UBQLN4: variants seen among roughly 807,000 people sequenced by gnomAD.
UBQLN4 encodes the protein ubiquilin-4.
UBQLN4 carries 11 observed loss-of-function variants against 60.4 expected under a neutral mutation model. The ratio of observed to expected loss-of-function variants is 0.18; its 90% CI spans 0.11 to 0.30. The LOEUF is 0.30. Ranked by LOEUF, UBQLN4 falls within the 10% of genes least tolerant of loss-of-function variation. The pLI is 1.00. For synonymous variants in UBQLN4, 258 were observed against 313.1 expected (o/e 0.82, Z 1.86); for missense variants, 417 against 795.5 (o/e 0.52, Z 5.72).
chr1:156,050,195 C>G lies in UBQLN4; in HGVS notation c.741+96G>C, dbSNP rs868317992. On this transcript the variant is annotated intron_variant, in intron 4 of 10. Coordinates refer to ENST00000368309, the MANE Select transcript of UBQLN4 (RefSeq NM_020131.5). This position sits in a 1 kb window ranked among gnomAD's most constrained non-coding sequence, Gnocchi z 4.6. ...CCAGTGTTCAAAACTGCTGAATACA[C>G]GAATGAACAAATCAATGTAGGACAA... The G allele has an allele frequency of 6.9e-7, 1 of 1,458,262 alleles. No individual in the cohort carries two copies. The highest frequency in any genetic ancestry group is 2.5e-5 in the Admixed American group (1 of 40,726). 90.3% of individuals were successfully genotyped at this position (1,458,262 alleles called of 1,614,324 possible).
rs562188379 is a variant in UBQLN4 at position 156,051,102 on chromosome 1, G to T, written c.478+8C>A. On this transcript the variant is annotated splice_region_variant and intron_variant, in intron 3 of 10. Coordinates refer to ENST00000368309, the MANE Select transcript of UBQLN4 (RefSeq NM_020131.5). ...AACAAGATTGTGCTCTCCTCTCTGA[G>T]GGCTTACAGAGTATGGACGCAGTAG... 9.9e-6 allele frequency: 16 copies of T among 1,612,464 alleles called. No homozygotes were observed. Among genetic ancestry groups the T allele is most frequent in the African/African-American group, 9.3e-5 (7 of 75,002 alleles).
chr1:156,041,092 C>A (rs1214618308), intron 10 of UBQLN4, among the ~76,000 whole-genome samples: 1 of 152,168 alleles, frequency 6.6e-6, no homozygotes, highest in Non-Finnish European at 1.5e-5. Flanking sequence ...GGGTTTGAGT[C>A]TTGGCTTCAT....
At chr1:156,033,199 G>A (rs1041970498), downstream of UBQLN4, 1 of 985,390 alleles carries the variant, frequency 1.0e-6, no homozygotes, top group Non-Finnish European at 1.2e-6. Context: ...GCAAGGAGGA[G>A]CCCGGGTGAG....
chr1:156,041,802 G>A (rs775120221), intron 9 of UBQLN4, 70 bp downstream of exon 9: 6 of 1,497,596 alleles, frequency 4.0e-6, no homozygotes, highest in Non-Finnish European at 5.4e-6. Context: ...TGCTGAGAGA[G>A]TGGCAGAGAG....
intron 10 of UBQLN4, 108 bp downstream of exon 10, chr1:156,041,377 A>G (rs747417889): frequency 2.2e-5 from 27 of 1,246,708 alleles, no homozygotes; most frequent in Non-Finnish European, 2.9e-5. Flanking sequence ...GTGGCAGAAC[A>G]GGACCTGACT....
chr1:156,042,692 A>C, intron 7 of UBQLN4, 82 bp downstream of exon 7: 1 of 1,556,448 alleles, frequency 6.4e-7, no homozygotes, highest in South Asian at 1.2e-5. Flanking sequence ...GTCTGGCTCC[A>C]CAGTGTTTTG....
intron 10 of UBQLN4, among the ~76,000 whole-genome samples, chr1:156,037,440 A>C (rs1683436996): frequency 6.6e-6 from 1 of 152,076 alleles, no homozygotes; most frequent in South Asian, 2.1e-4. Context: ...CTAAAAATAC[A>C]AAAAATTCGC....
In UBQLN4 at chr1:156,044,088, C is replaced by A. The variant is rs749212002; in HGVS notation, c.1036G>T (p.Gly346Cys). The change falls in exon 6 of 11, where the codon GGT (glycine) becomes TGT (cysteine). Residue 346 changes from glycine to cysteine, a missense_variant. Transcript: ENST00000368309. ...CCCGATCCTCCGGTGCCCTCCCCAC[C>A]GGACCCGGGGGCCTGGGAGGTGGGG... ...SPPTSQAPGS[G>C]GEGTGGSGTS... The A allele has an allele frequency of 1.9e-6, 3 of 1,593,984 alleles. No homozygotes were observed. Among genetic ancestry groups the A allele is most frequent in the Admixed American group, 3.5e-5 (2 of 57,854 alleles).
Position 156,050,660 on chromosome 1 carries a change from G to C in UBQLN4, c.479-107C>G. ...GACACGCCCCAAATGCTTCTCACATGTCCCTCTTCCTGTCATTCCCACAGC... is the reference window on the plus strand; with the variant it reads ...GACACGCCCCAAATGCTTCTCACATCTCCCTCTTCCTGTCATTCCCACAGC... On this transcript the variant is annotated intron_variant, in intron 3 of 10. Coordinates refer to ENST00000368309, the MANE Select transcript of UBQLN4 (RefSeq NM_020131.5). This position sits in a 1 kb window ranked among gnomAD's most constrained non-coding sequence, Gnocchi z 4.6. The C allele has an allele frequency of 7.0e-7, 1 of 1,429,968 alleles. No homozygotes were observed. The highest frequency in any genetic ancestry group is 9.3e-7 in the Non-Finnish European group (1 of 1,079,796). 88.6% of individuals were successfully genotyped at this position (1,429,968 alleles called of 1,614,324 possible).
intron 7 of UBQLN4, 43 bp from the exon 8 acceptor site, chr1:156,042,279 C>G: frequency 6.5e-7 from 1 of 1,534,066 alleles, no homozygotes; most frequent in African/African-American, 1.4e-5. Flanking sequence ...GGCCTTTTCA[C>G]CCTAAGAATT....
chr1:156,039,375 C>T (rs1236915209), intron 10 of UBQLN4, among the ~76,000 whole-genome samples: 2 of 151,534 alleles, frequency 1.3e-5, no homozygotes, highest in African/African-American at 2.4e-5. Context: ...CTCAACCTCT[C>T]GAGTAGCTGG....
rs749033194 is a variant in UBQLN4 at position 156,036,990 on chromosome 1, G to A, written c.1794C>T (p.Ser598=). 7 of 1,614,034 alleles carry A rather than the reference G, an allele frequency of 4.3e-6. No homozygotes were observed. Among genetic ancestry groups the A allele is most frequent in the Non-Finnish European group, 5.9e-6 (7 of 1,179,960 alleles). Residue 598 remains serine (S), a synonymous_variant, in exon 11 of 11, where the codon TCC becomes TCT. Coordinates refer to ENST00000368309, the MANE Select transcript of UBQLN4 (RefSeq NM_020131.5). ...INAAIERLLG[S]QLS is the part of the protein sequence containing the mutation. ...ATGGGCCGAGGGATTAGGAGAGCTGGGAGCCCAGCAGTCTCTCGATAGCTG... is the reference window on the plus strand; with the variant it reads ...ATGGGCCGAGGGATTAGGAGAGCTGAGAGCCCAGCAGTCTCTCGATAGCTG...
chr1:156,031,932 A>G (rs1478507438), downstream of UBQLN4, among the ~76,000 whole-genome samples: 1 of 151,634 alleles, frequency 6.6e-6, no homozygotes, highest in Admixed American at 6.6e-5. Flanking sequence ...ATATATATAT[A>G]CTCATGAAAT....
intron 6 of UBQLN4, 92 bp from the exon 7 acceptor site, chr1:156,043,005 A>C (rs1683608685): frequency 6.7e-7 from 1 of 1,483,904 alleles, no homozygotes. Flanking sequence ...TCAGACACCG[A>C]ATGACTACAA....
chr1:156,042,617 G>T, intron 7 of UBQLN4, 157 bp downstream of exon 7: 1 of 1,196,556 alleles, frequency 8.4e-7, no homozygotes, highest in Non-Finnish European at 1.1e-6. Flanking sequence ...GAAACTGGGA[G>T]GCTAAATAAC....
chr1:156,046,558 A>G (rs1683709025), intron 5 of UBQLN4, among the ~76,000 whole-genome samples: 1 of 149,804 alleles, frequency 6.7e-6, no homozygotes, highest in African/African-American at 2.5e-5. Context: ...AAAAAAAAAA[A>G]GCAGCCAAGT....
At position 156,048,483 on chromosome 1, in the gene UBQLN4, C is replaced by G; in HGVS notation, c.900+18G>C. On this transcript the variant is annotated intron_variant, in intron 5 of 10. Coordinates refer to ENST00000368309, the MANE Select transcript of UBQLN4 (RefSeq NM_020131.5). This position sits in a 1 kb window ranked among gnomAD's most constrained non-coding sequence, Gnocchi z 4.9. The stretch of plus-strand genomic sequence containing the variant: ...GAGCCCAGACAGCCCAACCCACTAC[C>G]CTGGCCCTTGATCCCACCTGTTCCC... 1 of 1,602,310 alleles carries G rather than the reference C, an allele frequency of 6.2e-7. No homozygotes were observed. Among genetic ancestry groups the G allele is most frequent in the Non-Finnish European group, 8.5e-7 (1 of 1,171,024 alleles).
Position 156,050,611 on chromosome 1 carries a change from G to C in UBQLN4, c.479-58C>G. ...CAAGAACAGTGTCCTCACTTAGCCA[G>C]AGCCACTGAATTCAGATCTCCAGGA... On this transcript the variant is annotated intron_variant, in intron 3 of 10. Transcript: ENST00000368309. This position sits in a 1 kb window ranked among gnomAD's most constrained non-coding sequence, Gnocchi z 4.6. The C allele has an allele frequency of 2.0e-6, 3 of 1,530,590 alleles. No individual in the cohort carries two copies. The highest frequency in any genetic ancestry group is 2.6e-6 in the Non-Finnish European group (3 of 1,137,924). The allele number at this position is 1,530,590 out of a possible 1,614,324, so 94.8% of individuals were successfully genotyped here.
At chr1:156,043,453 GA>G (rs1683620353) in intron 6 of UBQLN4, among the ~76,000 whole-genome samples, 1 of 152,054 alleles carries the variant, frequency 6.6e-6, no homozygotes. Context: ...TACAAATAAG[GA>G]AACTAAAACA....
Sources: allele counts gnomAD v4.1 joint callset (sites outside exome capture counted in the v4.1 genomes callset), GRCh38; gene constraint gnomAD v4.1.1; non-coding constraint Gnocchi (gnomAD v3.1); transcripts MANE v1.5; gene names NCBI Gene and HGNC (gene_info 2026-07-23, HGNC 2026-07-21).